Variants in PLD5 observed in about 807,000 individuals in gnomAD.
PLD5 encodes the protein phospholipase D family member 5, also known as inactive phospholipase D5.
PLD5 carries 36 observed loss-of-function variants against 61.1 expected under a neutral mutation model. The ratio of observed to expected loss-of-function variants is 0.59; its 90% CI spans 0.45 to 0.78. PLD5 has a LOEUF of 0.78. Ranked by LOEUF, PLD5 falls within the 30% of genes least tolerant of loss-of-function variation. The pLI, the probability that PLD5 is intolerant of heterozygous loss-of-function variation, is 0.00. For missense variants in PLD5, 515 were observed against 644.4 expected, an observed-to-expected ratio of 0.80 and a Z score of 2.17; for synonymous variants, 243 against 242.8, an observed-to-expected ratio of 1.00 and a Z score of -0.01.
intron 1 of PLD5, among the ~76,000 whole-genome samples, chr1:242,351,622 C>T (rs1448510483): frequency 6.6e-6 from 1 of 152,182 alleles, no homozygotes; most frequent in Non-Finnish European, 1.5e-5. Flanking sequence ...CATAAAACCT[C>T]TCTTTCCTTT....
intron 1 of PLD5, among the ~76,000 whole-genome samples, chr1:242,512,675 G>A (rs1668967469): frequency 6.6e-6 from 1 of 152,124 alleles, no homozygotes; most frequent in Admixed American, 6.5e-5. Flanking sequence ...CAATAACACT[G>A]GATATTGACA....
chr1:242,428,669 A>AT (rs1437237522), intron 1 of PLD5, among the ~76,000 whole-genome samples: 11 of 152,026 alleles, frequency 7.2e-5, no homozygotes, highest in Non-Finnish European at 5.9e-5. Flanking sequence ...CCTACCCTAT[A>AT]TTTTTTTCAG....
chr1:242,456,053 ATATTT>A, intron 1 of PLD5, among the ~76,000 whole-genome samples: 1 of 152,364 alleles, frequency 6.6e-6, no homozygotes, highest in Non-Finnish European at 1.5e-5. Context: ...GGATGGGAAC[ATATTT>A]TATTTAAGAG....
intron 1 of PLD5, among the ~76,000 whole-genome samples, chr1:242,405,191 G>C (rs1043047679): frequency 1.3e-5 from 2 of 152,080 alleles, no homozygotes; most frequent in African/African-American, 4.8e-5. Context: ...TTTGCTACCA[G>C]AGCAAATCTG....
intron 1 of PLD5, among the ~76,000 whole-genome samples, chr1:242,505,284 A>G (rs934039934): frequency 6.6e-6 from 1 of 152,248 alleles, no homozygotes; most frequent in African/African-American, 2.4e-5. Context: ...TAAAGAGGAC[A>G]CAGCAATGAG....
intron 1 of PLD5, among the ~76,000 whole-genome samples, chr1:242,456,711 G>A (rs28675888): frequency 0.4 from 61,442 of 151,938 alleles, 12,808 homozygotes; most frequent in Admixed American, 0.55. Context: ...AAAAGGTGGG[G>A]AGGACTTCAT....
At chr1:242,093,121 C>T (rs969287120) in intron 9 of PLD5, among the ~76,000 whole-genome samples, 3 of 152,172 alleles carry the variant, frequency 2.0e-5, no homozygotes, top group African/African-American at 7.2e-5. Flanking sequence ...GTACATAATA[C>T]TGTGTTGGTG....
intron 1 of PLD5, among the ~76,000 whole-genome samples, chr1:242,481,455 C>T (rs551024481): frequency 8.5e-5 from 13 of 152,316 alleles, no homozygotes; most frequent in African/African-American, 2.4e-4. Context: ...TGGAGCCTCG[C>T]TCATTGCTAG....
chr1:242,171,218 G>C (rs189574920), intron 5 of PLD5, among the ~76,000 whole-genome samples: 1 of 152,310 alleles, frequency 6.6e-6, no homozygotes, highest in East Asian at 1.9e-4. Context: ...AGCCAGAAGA[G>C]AGTGGGGGCC....
intron 1 of PLD5, among the ~76,000 whole-genome samples, chr1:242,474,861 G>C (rs765506370): frequency 3.9e-5 from 6 of 152,150 alleles, no homozygotes; most frequent in Non-Finnish European, 8.8e-5. Context: ...GCTCCGTATT[G>C]ATTGCACTTT....
chr1:242,154,729 T>C (rs1665218439), intron 5 of PLD5, among the ~76,000 whole-genome samples: 1 of 152,220 alleles, frequency 6.6e-6, no homozygotes, highest in Non-Finnish European at 1.5e-5. Flanking sequence ...TTTGATGTGC[T>C]GCTGGATTCG....
chr1:242,339,709 G>C (rs1331877813), intron 2 of PLD5, among the ~76,000 whole-genome samples: 1 of 152,170 alleles, frequency 6.6e-6, no homozygotes, highest in Non-Finnish European at 1.5e-5. Flanking sequence ...TTTAGAAAAG[G>C]AAAGGAACAT....
chr1:242,406,064 C>T (rs1242446736), intron 1 of PLD5, among the ~76,000 whole-genome samples: 1 of 152,160 alleles, frequency 6.6e-6, no homozygotes, highest in Non-Finnish European at 1.5e-5. Flanking sequence ...CAGGTAAAGC[C>T]TCACATTCCA....
In PLD5 at chr1:242,312,470, G is replaced by A. The variant is rs2796088; in HGVS notation, c.327-23940C>T. 4.0e-3 allele frequency among the ~76,000 whole-genome samples: 605 copies of A among 151,852 alleles called. 8 individuals are homozygous for A. Among genetic ancestry groups the A allele is most frequent in the African/African-American group, 0.014 (564 of 41,432 alleles). On this transcript the variant is annotated intron_variant, in intron 2 of 9. Coordinates refer to ENST00000536534, the MANE Select transcript of PLD5 (RefSeq NM_001372062.1). ...ATGTCTCAATTTCTCTAATAGTCTC[G>A]CCTTTGCTTCTTCTTGGGGTCTCAC...
chr1:242,437,327 G>A (rs756352117), intron 1 of PLD5, among the ~76,000 whole-genome samples: 5 of 152,106 alleles, frequency 3.3e-5, no homozygotes, highest in Non-Finnish European at 4.4e-5. Context: ...CAATGGCACC[G>A]ACCGCCTGCC....
intron 1 of PLD5, among the ~76,000 whole-genome samples, chr1:242,380,798 A>G (rs1192599331): frequency 6.6e-6 from 1 of 152,206 alleles, no homozygotes; most frequent in Non-Finnish European, 1.5e-5. Flanking sequence ...TATGAAAATA[A>G]GCTCAACATC....
At position 242,200,191 on chromosome 1, in the gene PLD5, G is replaced by A. The variant is rs148191360; in HGVS notation, c.735+19797C>T. Among the ~76,000 whole-genome samples the A allele has an allele frequency of 4.0e-4, 61 of 152,348 alleles. No individual in the cohort carries two copies. The East Asian group carries it at 9.5e-3, about 24-fold the overall frequency. On this transcript the variant is annotated intron_variant, in intron 5 of 9. Transcript: ENST00000536534. ...GCCTCTGGAGCTTGCTGCGAGGCACGAGGGGCTGGCTTATACTTGTTGGTA... is the reference window on the plus strand; with the variant it reads ...GCCTCTGGAGCTTGCTGCGAGGCACAAGGGGCTGGCTTATACTTGTTGGTA...
At chr1:242,240,855 T>C (rs549743826) in intron 4 of PLD5, among the ~76,000 whole-genome samples, 30 of 152,250 alleles carry the variant, frequency 2.0e-4, no homozygotes, top group African/African-American at 7.2e-4. Context: ...TGTTGACTCT[T>C]TCTTCCTGGA....
chr1:242,287,794 C>T (rs1675113061), intron 3 of PLD5, among the ~76,000 whole-genome samples: 1 of 152,146 alleles, frequency 6.6e-6, no homozygotes, highest in Admixed American at 6.6e-5. Context: ...ATCATTAAGT[C>T]AGTTTTCTAA....
Sources: gnomAD v4.1 joint callset for allele counts (sites outside exome capture counted in the v4.1 genomes callset) on GRCh38, gnomAD v4.1.1 for gene constraint, MANE v1.5 for transcripts, NCBI Gene and HGNC (gene_info 2026-07-23, HGNC 2026-07-21) for gene names.